F8: variants seen among roughly 807,000 people sequenced by gnomAD.
The protein encoded by F8 is coagulation factor VIII.
Under a neutral mutation model 140.6 loss-of-function variants are expected in F8, and 12 were observed. That is an observed-to-expected ratio of 0.09 (90% CI 0.05 to 0.14). The LOEUF (loss-of-function observed/expected upper bound fraction) is 0.14. Ranked by LOEUF, F8 falls within the 10% of genes least tolerant of loss-of-function variation. The probability of loss-of-function intolerance (pLI) is 1.00; values close to 1 mark genes in which losing one functional copy is unlikely to be tolerated. For missense variants in F8, 1,354 were observed against 1,720.7 expected, an observed-to-expected ratio of 0.79 and a Z score of 3.77; for synonymous variants, 585 against 614.6, an observed-to-expected ratio of 0.95 and a Z score of 0.71.
intron 1 of F8, among the ~76,000 whole-genome samples, chrX:155,008,215 T>G (rs2073686277): frequency 9.0e-6 from 1 of 111,272 alleles, no homozygotes; most frequent in Non-Finnish European, 1.9e-5. Flanking sequence ...TCAAAGATGA[T>G]TCTGTGTCCC....
intron 15 of F8, among the ~76,000 whole-genome samples, chrX:154,905,461 A>C (rs1478716490): frequency 8.9e-6 from 1 of 112,071 alleles, no homozygotes; most frequent in African/African-American, 3.2e-5. Flanking sequence ...AAAGTAAAAT[A>C]AAATGTAAGG....
At chrX:154,846,007 G>A (rs1460806470) in intron 25 of F8, among the ~76,000 whole-genome samples, 4 of 111,959 alleles carry the variant, frequency 3.6e-5, no homozygotes, top group African/African-American at 1.3e-4. Flanking sequence ...TGTTCTCATT[G>A]GTTTCAAAGA....
intron 25 of F8, among the ~76,000 whole-genome samples, chrX:154,842,479 T>C (rs2072529114): frequency 8.9e-6 from 1 of 112,230 alleles, no homozygotes; most frequent in South Asian, 3.6e-4. Flanking sequence ...ACGCTATACA[T>C]TTCTTTCTAA....
At chrX:154,977,378 G>C (rs1557283098) in intron 6 of F8, 1 of 111,838 alleles carries the variant, frequency 8.9e-6, no homozygotes, top group African/African-American at 3.2e-5. Flanking sequence ...TATACCTTCA[G>C]ATGTTTTCAT....
intron 4 of F8, among the ~76,000 whole-genome samples, chrX:154,992,422 A>C (rs2073593174): frequency 8.9e-6 from 1 of 112,769 alleles, no homozygotes. Flanking sequence ...GATTAGAATT[A>C]TTTTAGAATA....
intron 25 of F8, among the ~76,000 whole-genome samples, chrX:154,838,860 GT>G (rs2072495033): frequency 9.0e-6 from 1 of 110,596 alleles, no homozygotes; most frequent in Non-Finnish European, 1.9e-5. Context: ...TTCCCCCTAG[GT>G]TCCCAACCCT....
At chrX:155,012,582 A>G (rs1370427566) in intron 1 of F8, among the ~76,000 whole-genome samples, 1 of 111,681 alleles carries the variant, frequency 9.0e-6, no homozygotes, top group African/African-American at 3.3e-5. Context: ...TGTTGGGGTT[A>G]CAGGTGTGAG....
chrX:154,944,702 T>C (rs2073292638), intron 13 of F8, among the ~76,000 whole-genome samples: 1 of 111,491 alleles, frequency 9.0e-6, no homozygotes, highest in Non-Finnish European at 1.9e-5. Context: ...ATCATGCTGC[T>C]ATAGAGACAC....
At chrX:154,931,704 G>A in intron 13 of F8, 28 bp from the exon 14 acceptor site, 1 of 1,149,667 alleles carries the variant, frequency 8.7e-7, no homozygotes, top group Middle Eastern at 2.6e-4. Context: ...TAAGACTCTG[G>A]TTACTCATAA....
chrX:154,886,019 G>C, intron 22 of F8: 1 of 436,120 alleles, frequency 2.3e-6, no homozygotes, highest in African/African-American at 1.5e-4. Flanking sequence ...TTAGGGTCAC[G>C]AGTTTCGTTT....
chrX:154,926,470 A>G (rs111887327), intron 14 of F8, among the ~76,000 whole-genome samples: 2,480 of 111,459 alleles, frequency 0.022, 21 homozygotes, highest in Middle Eastern at 0.046. Context: ...CCGTCTCCCC[A>G]GTTCAAGCGA....
rs782479291 is a variant in F8, at chrX:154,957,128, T to C, written c.1581A>G (p.Ile527Met). The C allele has an allele frequency of 2.9e-5, 35 of 1,209,553 alleles. No individual in the cohort carries two copies. The highest frequency in any genetic ancestry group is 2.2e-5 in the Admixed American group (1 of 45,686). Residue 527 changes from isoleucine (I) to methionine (M), a missense_variant, in exon 11 of 26, where the codon ATA (isoleucine) becomes ATG (methionine). Coordinates refer to ENST00000360256, the MANE Select transcript of F8 (RefSeq NM_000132.4). Reference sequence around the variant, plus strand: ...CAGTCACTGTCCATTTATATTTGAATATTTCTCCTGGCAGAATTGGAAAAT... The same window carrying C: ...CAGTCACTGTCCATTTATATTTGAACATTTCTCCTGGCAGAATTGGAAAAT... ...LKDFPILPGE[I>M]FKYKWTVTVE...
At chrX:154,994,908 C>G (rs1172437902) in intron 3 of F8, among the ~76,000 whole-genome samples, 1 of 112,177 alleles carries the variant, frequency 8.9e-6, no homozygotes, top group Admixed American at 9.4e-5. Context: ...GACAGGATAT[C>G]ATTTCATTTA....
chrX:154,943,178 C>G (rs1373779138), intron 13 of F8, among the ~76,000 whole-genome samples: 2 of 111,451 alleles, frequency 1.8e-5, no homozygotes, highest in Non-Finnish European at 3.8e-5. Context: ...GGCAATTAGG[C>G]AGGAGAAGGA....
chrX:154,921,792 C>T lies in F8; in HGVS notation c.5219+6779G>A, dbSNP rs1055973405. ...ACTATCGCAAGGACAAAAAACCAAA[C>T]ACTGTATGTTCTCACTCATAGGTGG... On this transcript the variant is annotated intron_variant, in intron 14 of 25. Coordinates refer to ENST00000360256, the MANE Select transcript of F8 (RefSeq NM_000132.4). Among the ~76,000 whole-genome samples, 7 of 108,524 alleles carry T rather than the reference C, an allele frequency of 6.5e-5. No individual in the cohort carries two copies. The East Asian group carries it at 2.0e-3, about 32-fold the overall frequency. 94.2% of individuals were successfully genotyped at this position (108,524 alleles called of 115,157 possible).
rs1030819908 is a variant in F8 at position 154,966,228 on chromosome X, A to G, written c.1272-87T>C. ...ACTCTAAAACAGCTTATATGATTCA[A>G]TCAAGGCAAGGAGTGAGAAAAATAC... On this transcript the variant is annotated intron_variant, in intron 8 of 25. Transcript: ENST00000360256. The G allele has an allele frequency of 4.0e-6, 4 of 1,011,465 alleles. No homozygotes were observed. In the African/African-American group the frequency reaches 5.7e-5, roughly 14 times the overall value. The allele number at this position is 1,011,465 out of a possible 1,213,427, so 83.4% of individuals were successfully genotyped here. A position where few individuals can be genotyped will look rare whatever the true frequency, so the allele number is the denominator to read the frequency against.
chrX:154,904,269 A>G, intron 17 of F8, 27 bp downstream of exon 17: 2 of 1,160,253 alleles, frequency 1.7e-6, no homozygotes, highest in South Asian at 1.8e-5. Flanking sequence ...TTTCACAGTG[A>G]TAATGTTTGG....
At chrX:154,856,672 T>C (rs2072653883) in intron 25 of F8, among the ~76,000 whole-genome samples, 1 of 111,968 alleles carries the variant, frequency 8.9e-6, no homozygotes, top group Admixed American at 9.4e-5. Context: ...CCAGCACTCC[T>C]TGAATGAAGG....
chrX:154,922,132 C>T (rs1374663197), intron 14 of F8, among the ~76,000 whole-genome samples: 2 of 112,534 alleles, frequency 1.8e-5, no homozygotes, highest in African/African-American at 3.2e-5. Context: ...GTCTTATATG[C>T]TTATCTTTAA....
Sources: gnomAD v4.1 joint callset for allele counts (sites outside exome capture counted in the v4.1 genomes callset) on GRCh38, gnomAD v4.1.1 for gene constraint, MANE v1.5 for transcripts, NCBI Gene and HGNC (gene_info 2026-07-23, HGNC 2026-07-21) for gene names.